DLG4: variants seen among roughly 807,000 people sequenced by gnomAD.
The protein encoded by DLG4 is disks large homolog 4.
DLG4 carries 7 observed loss-of-function variants against 93.8 expected under a neutral mutation model. That is an observed-to-expected ratio of 0.07 (90% CI 0.04 to 0.14). DLG4 has a LOEUF of 0.14. DLG4 is among the 10% of genes least tolerant of loss of function. The pLI is 1.00. For synonymous variants in DLG4, 341 were observed against 387.6 expected, an observed-to-expected ratio of 0.88 and a Z score of 1.41; for missense variants, 545 against 992.9, an observed-to-expected ratio of 0.55 and a Z score of 6.06.
Position 7,187,901 on chromosome 17 carries a change from T to G in DLG4, c.*2807A>C, listed in dbSNP as rs978883140. On this transcript the variant is annotated 3_prime_UTR_variant, in exon 20 of 20. Coordinates refer to ENST00000399506, the MANE Select transcript of DLG4 (RefSeq NM_001321075.3). ...TTGGCTAACATGGTGAAACCCCGTT[T>G]CTACTAAAAATATTAAAAAATAGCT... 3.3e-5 allele frequency among the ~76,000 whole-genome samples: 5 copies of G among 152,000 alleles called. No individual in the cohort carries two copies. Among genetic ancestry groups the G allele is most frequent in the Non-Finnish European group, 7.4e-5 (5 of 68,006 alleles).
At chr17:7,211,837 GTGAC>G (rs1385643327) in intron 1 of DLG4, 1 of 17,576 alleles carries the variant, frequency 5.7e-5, no homozygotes, top group African/African-American at 2.1e-4. Flanking sequence ...GGGGGGGGGG[GTGAC>G]GGCGCCTGCG....
Position 7,203,239 on chromosome 17 carries a change from G to A in DLG4, c.596C>T (p.Ala199Val). Residue 199 changes from alanine to valine, a missense_variant, in exon 7 of 20, where the codon GCT (alanine) becomes GTT (valine). By Grantham distance (64) the Ala-to-Val change is moderately conservative. This residue lies in a region of DLG4 where 428 missense variants were observed against 741.4 expected (regional missense o/e 0.58). Transcript: ENST00000399506. This position sits in a 1 kb window ranked among gnomAD's most constrained non-coding sequence, Gnocchi z 7.2. Reference protein sequence around the residue: ...IYVTKIIEGGAAHKDGRLQIG... With the variant: ...IYVTKIIEGGVAHKDGRLQIG... ...CTGCAACCTCCCATCCTTGTGGGCA[G>A]CACCCCCTTCGATGATCTTTGTTAC... 1.2e-6 allele frequency: 2 copies of A among 1,610,146 alleles called. No homozygotes were observed. The highest frequency in any genetic ancestry group is 1.7e-6 in the Non-Finnish European group (2 of 1,176,694).
In DLG4 at chr17:7,202,850, A is replaced by T. The variant is rs775950134; in HGVS notation, c.787+53T>A. 1.0e-5 allele frequency: 16 copies of T among 1,605,098 alleles called. No individual in the cohort carries two copies. In the South Asian group the frequency reaches 1.8e-4, roughly 18 times the overall value. The stretch of plus-strand genomic sequence containing the variant: ...CAGGGATGTCGTGGGACTGCATGTC[A>T]TGGGTTAAACGGGATGGGTCATGGG... On this transcript the variant is annotated intron_variant, in intron 8 of 19. Transcript: ENST00000399506.
At chr17:7,217,931 G>C (rs927384016), upstream of DLG4, 8 of 1,040,916 alleles carry the variant, frequency 7.7e-6, no homozygotes, top group Non-Finnish European at 1.1e-5. Context: ...TCGGGTGTGA[G>C]GGAGGAGCTG....
At chr17:7,204,961 T>C (rs1287332400) in intron 2 of DLG4, 1 of 985,420 alleles carries the variant, frequency 1.0e-6, no homozygotes, top group African/African-American at 1.7e-5. Flanking sequence ...GGAGGCCCTG[T>C]CGTCAGGACA....
At chr17:7,220,022 A>T (rs529443594), upstream of DLG4, 9 of 1,605,460 alleles carry the variant, frequency 5.6e-6, no homozygotes, top group South Asian at 9.9e-5. Flanking sequence ...TTGGGGCGGC[A>T]GCTGCTGAGG....
chr17:7,213,743 G>A (rs149503825), intron 1 of DLG4: 28 of 470,732 alleles, frequency 5.9e-5, no homozygotes, highest in South Asian at 4.2e-4. Context: ...CCTCAAATCG[G>A]CTGACTTCTA....
chr17:7,204,123 G>A (rs1158595057), intron 3 of DLG4, 56 bp from the exon 4 acceptor site: 14 of 1,598,712 alleles, frequency 8.8e-6, no homozygotes, highest in Admixed American at 1.8e-5. Context: ...CTGACCACCT[G>A]CCCGTCATCT....
In DLG4 at chr17:7,189,561, T is replaced by C. The variant is rs1293600541; in HGVS notation, c.*1147A>G. Reference sequence around the variant, plus strand: ...CTGTCCACAACTCCATGAACATGAATGAACGAAGTTTCCTCTCTATTTTCC... The same window carrying C: ...CTGTCCACAACTCCATGAACATGAACGAACGAAGTTTCCTCTCTATTTTCC... On this transcript the variant is annotated 3_prime_UTR_variant, in exon 20 of 20. Transcript: ENST00000399506. 6.6e-6 allele frequency among the ~76,000 whole-genome samples: 1 copy of C among 152,162 alleles called. No homozygotes were observed. Among genetic ancestry groups the C allele is most frequent in the Non-Finnish European group, 1.5e-5 (1 of 68,022 alleles).
chr17:7,196,581 G>A lies in DLG4; in HGVS notation c.1084-6C>T. 5.0e-6 allele frequency: 8 copies of A among 1,613,880 alleles called. No homozygotes were observed. Among genetic ancestry groups the A allele is most frequent in the Non-Finnish European group, 6.8e-6 (8 of 1,179,764 alleles). On this transcript the variant is annotated splice_polypyrimidine_tract_variant and splice_region_variant and intron_variant, in intron 9 of 19. Coordinates refer to ENST00000399506, the MANE Select transcript of DLG4 (RefSeq NM_001321075.3). The surrounding 1 kb of genome is among the most constrained non-coding windows in gnomAD (Gnocchi z 8.3). ...CGGAGGTCCACACCGTTGACCTAGA[G>A]AGAGGACGACAGGCTGTGTCACCAG...
Position 7,193,110 on chromosome 17 carries a change from T to A in DLG4, c.1701A>T (p.Thr567=). 1 of 1,613,672 alleles carries A rather than the reference T, an allele frequency of 6.2e-7. No homozygotes were observed. Among genetic ancestry groups the A allele is most frequent in the South Asian group, 1.1e-5 (1 of 91,080 alleles). Reference sequence around the variant, plus strand: ...CTATCTCATACTCCCGCTTGGGCCGTGTCGTATCTGCCAGGAAGTCACCCC... The same window carrying A: ...CTATCTCATACTCCCGCTTGGGCCGAGTCGTATCTGCCAGGAAGTCACCCC... The part of the protein sequence containing the change: ...DKFGSCVPHT[T]RPKREYEIDG... Residue 567 remains threonine, a synonymous_variant, in exon 17 of 20, where the codon ACA becomes ACT. Coordinates refer to ENST00000399506, the MANE Select transcript of DLG4 (RefSeq NM_001321075.3). This position sits in a 1 kb window ranked among gnomAD's most constrained non-coding sequence, Gnocchi z 6.7.
Position 7,192,899 on chromosome 17 carries a change from G to T in DLG4, c.1866+46C>A, listed in dbSNP as rs748782114. The T allele has an allele frequency of 2.1e-5, 32 of 1,540,570 alleles. No homozygotes were observed. In the East Asian group the frequency reaches 6.0e-4, roughly 29 times the overall value. On this transcript the variant is annotated intron_variant, in intron 17 of 19. Transcript: ENST00000399506. ...GAAAGCTGGAGGGAGGCAGTGGGGT[G>T]GGGAGAGGGGAGAAGGAAGAGGACC...
chr17:7,208,750 A>C lies in DLG4; in HGVS notation c.31-511T>G, dbSNP rs1179364452. ...CTGCATGGCATCCTCCCCGCGCCCC[A>C]CCTCCATGGCCTCAGTCTCCCCATT... On this transcript the variant is annotated intron_variant, in intron 1 of 19. Transcript: ENST00000399506. The surrounding 1 kb of genome is among the most constrained non-coding windows in gnomAD (Gnocchi z 5.4). Among the ~76,000 whole-genome samples the C allele has an allele frequency of 1.4e-5, 2 of 146,862 alleles. No homozygotes were observed. The highest frequency in any genetic ancestry group is 1.5e-5 in the Non-Finnish European group (1 of 66,542).
At position 7,190,259 on chromosome 17, in the gene DLG4, T is replaced by C. The variant is rs2069417430; in HGVS notation, c.*449A>G. 6.4e-6 allele frequency: 1 copy of C among 156,938 alleles called. No homozygotes were observed. Among genetic ancestry groups the C allele is most frequent in the Non-Finnish European group, 1.4e-5 (1 of 71,426 alleles). 9.7% of individuals were successfully genotyped at this position (156,938 alleles called of 1,614,324 possible). On this transcript the variant is annotated 3_prime_UTR_variant, in exon 20 of 20. Coordinates refer to ENST00000399506, the MANE Select transcript of DLG4 (RefSeq NM_001321075.3). ...TGAGAAATCAAGGAACATGGGGAAT[T>C]ACGATGAGGGCAGGGGTGACCCCAG...
chr17:7,213,413 T>C (rs1422942656), intron 1 of DLG4, among the ~76,000 whole-genome samples: 1 of 152,094 alleles, frequency 6.6e-6, no homozygotes, highest in Non-Finnish European at 1.5e-5. Context: ...CCTCTCCTTT[T>C]CTTTACCCCT....
chr17:7,202,334 G>GATTA (rs1292780724), intron 8 of DLG4, among the ~76,000 whole-genome samples: 1 of 152,064 alleles, frequency 6.6e-6, no homozygotes, highest in Non-Finnish European at 1.5e-5. Flanking sequence ...CAAGTGCTGG[G>GATTA]ATTACAAGCA....
At chr17:7,192,081 C>A in intron 17 of DLG4, 79 bp from the exon 18 acceptor site, 3 of 770,130 alleles carry the variant, frequency 3.9e-6, no homozygotes, top group South Asian at 5.7e-5. Context: ...GGGACACGGA[C>A]GGGGAGAGGT....
upstream of DLG4, chr17:7,217,797 C>G: frequency 1.3e-6 from 2 of 1,535,126 alleles, no homozygotes; most frequent in Non-Finnish European, 1.7e-6. Context: ...CAGCCACCAG[C>G]GATGACAGCA....
At chr17:7,214,137 G>A (rs2070811499) in intron 1 of DLG4, among the ~76,000 whole-genome samples, 1 of 152,076 alleles carries the variant, frequency 6.6e-6, no homozygotes, top group Non-Finnish European at 1.5e-5. Context: ...AGGTAGGAGG[G>A]GTGCTCTGAT....
Sources: gnomAD v4.1 joint callset for allele counts (sites outside exome capture counted in the v4.1 genomes callset) on GRCh38, gnomAD v4.1.1 for gene constraint, gnomAD v4.1.1 regional missense constraint, Gnocchi (gnomAD v3.1) non-coding constraint, MANE v1.5 for transcripts, NCBI Gene and HGNC (gene_info 2026-07-23, HGNC 2026-07-21) for gene names.